The following ANO6 variants were observed in gnomAD, a reference collection of about 807,000 sequenced individuals.
The protein encoded by ANO6 is anoctamin 6, also known as anoctamin-6.
ANO6 carries 106 observed loss-of-function variants against 117.5 expected under a neutral mutation model. That is an observed-to-expected ratio of 0.90 (90% CI 0.77 to 1.06). The LOEUF (loss-of-function observed/expected upper bound fraction) is 1.06, where lower values mean the gene tolerates loss of function less well. Ranked by LOEUF, ANO6 falls within the 50% of genes least tolerant of loss-of-function variation. The pLI is 0.00. For synonymous variants in ANO6, 367 were observed against 385.1 expected, an observed-to-expected ratio of 0.95 and a Z score of 0.55; for missense variants, 955 against 1,121.1, an observed-to-expected ratio of 0.85 and a Z score of 2.12.
At chr12:45,366,312 G>A (rs984624640) in intron 8 of ANO6, among the ~76,000 whole-genome samples, 4 of 150,990 alleles carry the variant, frequency 2.6e-5, no homozygotes, top group Admixed American at 6.6e-5. Context: ...ATGCTGTTTC[G>A]TTTCTTGTTT....
Position 45,401,992 on chromosome 12 carries a change from A to G in ANO6, c.1584A>G (p.Glu528=). 1 of 1,613,990 alleles carries G rather than the reference A, an allele frequency of 6.2e-7. No individual in the cohort carries two copies. The change falls in exon 13 of 20, where the codon GAA becomes GAG. Residue 528 remains glutamate (E), a synonymous_variant. Transcript: ENST00000320560. ...IIIMILNTIY[E]KVAIMITNFE... ...TCATGATTCTGAACACCATATATGA[A>G]AAAGTGGCAATTATGATTACTAACT...
At chr12:45,291,346 CAAAAAAAAAAAAAAA>C in intron 1 of ANO6, among the ~76,000 whole-genome samples, 1 of 48,236 alleles carries the variant, frequency 2.1e-5, no homozygotes, top group African/African-American at 8.2e-5. Flanking sequence ...AACTCCGTCT[CAAAAAAAAAAAAAAA>C]AAAAAAAACA....
intron 1 of ANO6, among the ~76,000 whole-genome samples, chr12:45,230,856 A>G (rs900162017): frequency 6.6e-6 from 1 of 152,200 alleles, no homozygotes; most frequent in Non-Finnish European, 1.5e-5. Context: ...TTTAAAGGAA[A>G]AATTTTAGGC....
chr12:45,372,944 A>G (rs2137526484), intron 9 of ANO6, among the ~76,000 whole-genome samples: 1 of 152,350 alleles, frequency 6.6e-6, no homozygotes, highest in Admixed American at 6.5e-5. Context: ...AAGACCCATC[A>G]GTGTGCTGTA....
intron 2 of ANO6, 101 bp downstream of exon 2, chr12:45,302,194 G>A (rs1368162598): frequency 3.9e-6 from 4 of 1,021,810 alleles, no homozygotes; most frequent in East Asian, 2.4e-5. Flanking sequence ...TTCAATGGCT[G>A]TAGATCCTAC....
At chr12:45,399,984 G>T (rs1942740750) in intron 12 of ANO6, among the ~76,000 whole-genome samples, 1 of 152,210 alleles carries the variant, frequency 6.6e-6, no homozygotes, top group Non-Finnish European at 1.5e-5. Context: ...AACTTAACAA[G>T]TTTGTAAAAG....
In ANO6 at chr12:45,310,968, C is replaced by T. The variant is rs114436143; in HGVS notation, c.150+8875C>T. On this transcript the variant is annotated intron_variant, in intron 2 of 19. Coordinates refer to ENST00000320560, the MANE Select transcript of ANO6 (RefSeq NM_001025356.3). ...TAGAAAAAAGGTCATTAGGAGCCAACATGATGAGTTCAATAAAATAAGTCA... is the reference window on the plus strand; with the variant it reads ...TAGAAAAAAGGTCATTAGGAGCCAATATGATGAGTTCAATAAAATAAGTCA... Among the ~76,000 whole-genome samples, 315 of 152,034 alleles carry T rather than the reference C, an allele frequency of 2.1e-3. 1 individual carries two copies. Among genetic ancestry groups the T allele is most frequent in the African/African-American group, 7.1e-3 (294 of 41,480 alleles).
intron 1 of ANO6, among the ~76,000 whole-genome samples, chr12:45,292,301 G>A (rs1939128132): frequency 6.6e-6 from 1 of 152,102 alleles, no homozygotes; most frequent in African/African-American, 2.4e-5. Flanking sequence ...AGATAACTAG[G>A]GACTGGGGAA....
intron 10 of ANO6, among the ~76,000 whole-genome samples, chr12:45,387,529 G>A (rs1343781211): frequency 1.3e-5 from 2 of 152,196 alleles, no homozygotes; most frequent in African/African-American, 4.8e-5. Context: ...TGGAACATAT[G>A]CTTCAGTGTC....
intron 3 of ANO6, among the ~76,000 whole-genome samples, chr12:45,334,839 T>C (rs530035104): frequency 3.2e-4 from 49 of 152,164 alleles, no homozygotes; most frequent in African/African-American, 1.1e-3. Context: ...CATATATTTC[T>C]CCAACTCCTC....
At chr12:45,261,704 T>C (rs965776645) in intron 1 of ANO6, among the ~76,000 whole-genome samples, 1 of 152,228 alleles carries the variant, frequency 6.6e-6, no homozygotes, top group Non-Finnish European at 1.5e-5. Context: ...GACTGGCTCA[T>C]CACAGGTTCT....
intron 1 of ANO6, among the ~76,000 whole-genome samples, chr12:45,236,513 A>G: frequency 6.6e-6 from 1 of 152,158 alleles, no homozygotes; most frequent in East Asian, 1.9e-4. Context: ...TTTGCTGAGA[A>G]TGATGGTTTC....
At chr12:45,417,640 T>C (rs1026014663) in intron 17 of ANO6, among the ~76,000 whole-genome samples, 1 of 152,232 alleles carries the variant, frequency 6.6e-6, no homozygotes, top group African/African-American at 2.4e-5. Flanking sequence ...GCAATTTTCA[T>C]GCCAGCCCAT....
intron 1 of ANO6, among the ~76,000 whole-genome samples, chr12:45,226,684 A>C (rs547724678): frequency 6.6e-6 from 1 of 152,224 alleles, no homozygotes; most frequent in East Asian, 1.9e-4. Flanking sequence ...AAACAAAATG[A>C]TGGCTAAAGT....
At chr12:45,225,070 G>C (rs1376518456) in intron 1 of ANO6, among the ~76,000 whole-genome samples, 1 of 151,834 alleles carries the variant, frequency 6.6e-6, no homozygotes, top group Non-Finnish European at 1.5e-5. Flanking sequence ...TGCCTGTGGT[G>C]CCAGCTGCTT....
At position 45,403,448 on chromosome 12, in the gene ANO6, G is replaced by A. The variant is rs142305365; in HGVS notation, c.1792G>A (p.Gly598Ser). 107 of 1,613,250 alleles carry A rather than the reference G, an allele frequency of 6.6e-5. No individual in the cohort carries two copies. The highest frequency in any genetic ancestry group is 1.2e-4 in the Admixed American group (7 of 60,002). Residue 598 changes from glycine to serine, a missense_variant, in exon 15 of 20, where the codon GGT becomes AGT. Physicochemically the swap from Gly to Ser is moderately conservative, Grantham distance 56. Transcript: ENST00000320560. ...CTTTTTAACCTTCTAGTGTGACCCA[G>A]GTGGCTGTCTTCTTGAACTGACAAC... ...GKYRNEECDP[G>S]GCLLELTTQL... is the part of the protein sequence containing the mutation.
intron 12 of ANO6, 93 bp downstream of exon 12, chr12:45,390,591 T>C (rs1465842781): frequency 9.8e-6 from 11 of 1,123,880 alleles, no homozygotes; most frequent in East Asian, 2.6e-5. Flanking sequence ...TTGAGGAAAC[T>C]AAATGCTGAG....
At chr12:45,365,740 G>A (rs1177338223) in intron 8 of ANO6, among the ~76,000 whole-genome samples, 4 of 152,158 alleles carry the variant, frequency 2.6e-5, no homozygotes, top group Admixed American at 2.6e-4. Flanking sequence ...AATCAGTGAG[G>A]TTAACAGGTG....
chr12:45,364,169 A>T lies in ANO6; in HGVS notation c.999-3519A>T, dbSNP rs1349183554. ...TTATGAAAAGTTAGCTGCTAATCTTACTGAGGACCCTTTATATGTGATGAA... is the reference window on the plus strand; with the variant it reads ...TTATGAAAAGTTAGCTGCTAATCTTTCTGAGGACCCTTTATATGTGATGAA... On this transcript the variant is annotated intron_variant, in intron 8 of 19. Coordinates refer to ENST00000320560, the MANE Select transcript of ANO6 (RefSeq NM_001025356.3). 2.0e-5 allele frequency among the ~76,000 whole-genome samples: 3 copies of T among 152,230 alleles called. No individual in the cohort carries two copies. The East Asian group carries it at 5.8e-4, about 29-fold the overall frequency.
Sources: allele counts gnomAD v4.1 joint callset (sites outside exome capture counted in the v4.1 genomes callset), GRCh38; gene constraint gnomAD v4.1.1; transcripts MANE v1.5; gene names NCBI Gene and HGNC (gene_info 2026-07-23, HGNC 2026-07-21).